COMP: variants seen among roughly 807,000 people sequenced by gnomAD.
The protein encoded by COMP is cartilage oligomeric matrix protein (pseudoachondroplasia, epiphyseal dysplasia 1, multiple).
In COMP, 79 loss-of-function variants were observed where a neutral mutation model predicts 95.8. The observed-to-expected ratio is 0.82, with a 90% CI of 0.69 to 0.99. COMP has a LOEUF of 0.99. Among genes scored for constraint, COMP ranks in the 50% least tolerant of loss-of-function variants. The pLI is 0.00. For missense variants in COMP, 906 were observed against 1,076.1 expected (o/e 0.84, Z 2.21); for synonymous variants, 438 against 433.9 (o/e 1.01, Z -0.12).
chr19:18,786,463 G>A (rs909891604), intron 11 of COMP, 69 bp downstream of exon 11: 4 of 1,535,596 alleles, frequency 2.6e-6, no homozygotes, highest in African/African-American at 2.7e-5. Context: ...AAGCTGGGCT[G>A]TGGGCTGGGT....
intron 1 of COMP, 113 bp downstream of exon 1, chr19:18,791,078 A>T: frequency 6.7e-7 from 1 of 1,500,020 alleles, no homozygotes; most frequent in South Asian, 1.2e-5. Context: ...TGCGCCCGGC[A>T]CGTCCCCTAC....
In COMP at chr19:18,791,273, G is replaced by T; in HGVS notation, c.-4C>A. 6.3e-7 allele frequency: 1 copy of T among 1,591,108 alleles called. No homozygotes were observed. Among genetic ancestry groups the T allele is most frequent in the Non-Finnish European group, 8.5e-7 (1 of 1,171,000 alleles). On this transcript the variant is annotated 5_prime_UTR_variant, in exon 1 of 19. Transcript: ENST00000222271. The stretch of plus-strand genomic sequence containing the variant: ...CGCAGGCGGTGTCGGGGACCATGGC[G>T]GTGGCGGGGAGCTGGGTGGCTGCTC...
At chr19:18,783,524 G>C (rs988037471) in intron 17 of COMP, among the ~76,000 whole-genome samples, 1 of 152,080 alleles carries the variant, frequency 6.6e-6, no homozygotes, top group South Asian at 2.1e-4. Context: ...GTGCAGTGGT[G>C]CAATTACTGC....
At chr19:18,785,192 C>T in intron 15 of COMP, 100 bp from the exon 16 acceptor site, 1 of 1,154,292 alleles carries the variant, frequency 8.7e-7, no homozygotes, top group Admixed American at 1.9e-5. Context: ...CCCGATCTGC[C>T]TGCAGACCTG....
At position 18,789,217 on chromosome 19, in the gene COMP, C is replaced by A. The variant is rs528922456; in HGVS notation, c.471G>T (p.Gly157=). Residue 157 remains glycine, a synonymous_variant, in exon 5 of 19, where the codon GGG becomes GGT. Transcript: ENST00000222271. The surrounding 1 kb of genome is among the most constrained non-coding windows in gnomAD (Gnocchi z 6.1). Reference sequence around the variant, plus strand: ...CGCCCTGGTGGGTGGGGCCGCTGTACCCCGGCGGGCAAGCCTCGCAGCGGA... The same window carrying A: ...CGCCCTGGTGGGTGGGGCCGCTGTAACCCGGCGGGCAAGCCTCGCAGCGGA... ...PGFRCEACPP[G]YSGPTHQGVG... 7 of 1,538,854 alleles carry A rather than the reference C, an allele frequency of 4.5e-6. No homozygotes were observed. The African/African-American group carries it at 9.7e-5, about 21-fold the overall frequency.
Position 18,784,360 on chromosome 19 carries a change from C to A in COMP, c.1918G>T (p.Val640Leu). The A allele has an allele frequency of 6.2e-7, 1 of 1,613,896 alleles. No homozygotes were observed. Among genetic ancestry groups the A allele is most frequent in the Non-Finnish European group, 8.5e-7 (1 of 1,180,036 alleles). ...VAEPGIQLKAVKSSTGPGEQL... is the reference protein window; with the variant it reads ...VAEPGIQLKALKSSTGPGEQL... ...TCCCCGGGGCCTGTGGAAGACTTCA[C>A]AGCCTGCCAATACCCAGGAAAGGTG... is the stretch of plus-strand genomic sequence containing the variant. Residue 640 changes from valine to leucine, a missense_variant, in exon 17 of 19, where the codon GTG (valine) becomes TTG (leucine). Coordinates refer to ENST00000222271, the MANE Select transcript of COMP (RefSeq NM_000095.3). This position sits in a 1 kb window ranked among gnomAD's most constrained non-coding sequence, Gnocchi z 4.9.
rs1189626863 is a variant in COMP at position 18,788,621 on chromosome 19, G to A, written c.733C>T (p.Leu245=). 3.2e-6 allele frequency: 5 copies of A among 1,549,594 alleles called. No homozygotes were observed. The change falls in exon 7 of 19, where the codon CTA becomes TTA. Residue 245 remains leucine, a synonymous_variant. Transcript: ENST00000222271. The surrounding 1 kb of genome is among the most constrained non-coding windows in gnomAD (Gnocchi z 4.7). ...SECHEHADCV[L]ERDGSRSCVC... Reference sequence around the variant, plus strand: ...CACGACCGCGAGCCATCGCGCTCTAGGACGCAGTCTGCATGCTCGTGGCAC... The same window carrying A: ...CACGACCGCGAGCCATCGCGCTCTAAGACGCAGTCTGCATGCTCGTGGCAC...
In COMP at chr19:18,789,419, T is replaced by C. The variant is rs1454462020; in HGVS notation, c.391-122A>G. Reference sequence around the variant, plus strand: ...TATGCCAGTGCTTGGAGCTCTGAGATGGAAGCAATTGTCGCAGGGGTCAGG... The same window carrying C: ...TATGCCAGTGCTTGGAGCTCTGAGACGGAAGCAATTGTCGCAGGGGTCAGG... On this transcript the variant is annotated intron_variant, in intron 4 of 18. Coordinates refer to ENST00000222271, the MANE Select transcript of COMP (RefSeq NM_000095.3). The surrounding 1 kb of genome is among the most constrained non-coding windows in gnomAD (Gnocchi z 6.1). 1 of 1,100,804 alleles carries C rather than the reference T, an allele frequency of 9.1e-7. No individual in the cohort carries two copies. Among genetic ancestry groups the C allele is most frequent in the African/African-American group, 1.6e-5 (1 of 62,424 alleles). The allele number at this position is 1,100,804 out of a possible 1,614,324, so 68.2% of individuals were successfully genotyped here. A position where few individuals can be genotyped will look rare whatever the true frequency, so the allele number is the denominator to read the frequency against.
intron 3 of COMP, 22 bp from the exon 4 acceptor site, chr19:18,790,136 A>G: frequency 6.6e-7 from 1 of 1,511,422 alleles, no homozygotes; most frequent in Non-Finnish European, 8.8e-7. Context: ...AGGGGGGAGA[A>G]GCGGCGGGGC....
intron 9 of COMP, among the ~76,000 whole-genome samples, chr19:18,787,864 C>CTTTTTCTTTTTCTTTTTCTTTTTCTT (rs56093208): frequency 1.8e-5 from 2 of 108,892 alleles, no homozygotes; most frequent in South Asian, 3.3e-4. Flanking sequence ...TTTTCTTTTT[C>CTTTTTCTTTTTCTTTTTCTTTTTCTT]TCTTTCTTTC....
Position 18,786,147 on chromosome 19 carries a change from C to T in COMP, c.1308-1G>A, listed in dbSNP as rs761399284. The T allele has an allele frequency of 4.3e-6, 7 of 1,614,200 alleles. No individual in the cohort carries two copies. The South Asian group carries it at 6.6e-5, about 15-fold the overall frequency. ...AGAGTCCTGATGTCCGTCTCCATCC[C>T]TAGAGTGGATAGGTGGGATCCAGAG... On this transcript the variant is annotated splice_acceptor_variant, in intron 12 of 18. Coordinates refer to ENST00000222271, the MANE Select transcript of COMP (RefSeq NM_000095.3). LOFTEE classifies it high-confidence loss of function.
intron 17 of COMP, among the ~76,000 whole-genome samples, chr19:18,783,952 C>T (rs2055145618): frequency 6.6e-6 from 1 of 152,100 alleles, no homozygotes; most frequent in Non-Finnish European, 1.5e-5. Flanking sequence ...TACTATGTTA[C>T]CCAGGCTGCC....
At position 18,784,855 on chromosome 19, in the gene COMP, G is replaced by C; in HGVS notation, c.1914+41C>G. On this transcript the variant is annotated intron_variant, in intron 16 of 18. Coordinates refer to ENST00000222271, the MANE Select transcript of COMP (RefSeq NM_000095.3). This position sits in a 1 kb window ranked among gnomAD's most constrained non-coding sequence, Gnocchi z 4.9. ...GGGTTTTACGGAGGGTCATGGGAGG[G>C]CATGAGGACCGCAGAGGTCAGGCAC... 6.2e-7 allele frequency: 1 copy of C among 1,603,642 alleles called. No homozygotes were observed. Among genetic ancestry groups the C allele is most frequent in the South Asian group, 1.1e-5 (1 of 90,896 alleles).
chr19:18,784,822 G>A lies in COMP; in HGVS notation c.1914+74C>T, dbSNP rs1376298778. The A allele has an allele frequency of 2.0e-6, 3 of 1,522,794 alleles. No homozygotes were observed. The highest frequency in any genetic ancestry group is 1.8e-6 in the Non-Finnish European group (2 of 1,106,914). The allele number at this position is 1,522,794 out of a possible 1,614,324, so 94.3% of individuals were successfully genotyped here. A position where few individuals can be genotyped will look rare whatever the true frequency, so the allele number is the denominator to read the frequency against. ...GCTAGGGGGCTGGGGGGCTCTAAGGGCTGTAAAGGGTTTTACGGAGGGTCA... is the reference window on the plus strand; with the variant it reads ...GCTAGGGGGCTGGGGGGCTCTAAGGACTGTAAAGGGTTTTACGGAGGGTCA... On this transcript the variant is annotated intron_variant, in intron 16 of 18. Transcript: ENST00000222271. This position sits in a 1 kb window ranked among gnomAD's most constrained non-coding sequence, Gnocchi z 4.9.
Position 18,790,879 on chromosome 19 carries a change from G to A in COMP, c.136C>T (p.Gln46Ter), listed in dbSNP as rs374010493. The change falls in exon 2 of 19, where the codon CAG becomes TAG. Residue 46 changes from glutamine (Q) to a stop codon, truncating the protein, a stop_gained. Coordinates refer to ENST00000222271, the MANE Select transcript of COMP (RefSeq NM_000095.3). LOFTEE classifies it high-confidence loss of function. Reference sequence around the variant, plus strand: ...TGCCGCAGCAGCTCCCGCACGTCCTGCAGCGCCGCGTTGGTTTCCTGCAGT... The same window carrying A: ...TGCCGCAGCAGCTCCCGCACGTCCTACAGCGCCGCGTTGGTTTCCTGCAGT... ...RELQETNAALQDVRELLRQQV... is the reference protein window; with the variant it reads ...RELQETNAAL The A allele has an allele frequency of 2.6e-6, 4 of 1,568,492 alleles. No homozygotes were observed. The highest frequency in any genetic ancestry group is 3.5e-6 in the Non-Finnish European group (4 of 1,158,434).
rs771779223 is a variant in COMP, at chr19:18,788,757, C to A, written c.604-7G>T. ...GGCCGCACTGGAAGGAGCCCTGCGC[C>A]GGAGCCGCCGGAGGTCAGCGCAGGC... On this transcript the variant is annotated splice_polypyrimidine_tract_variant and splice_region_variant and intron_variant, in intron 6 of 18. Transcript: ENST00000222271. The surrounding 1 kb of genome is among the most constrained non-coding windows in gnomAD (Gnocchi z 4.7). 6.3e-7 allele frequency: 1 copy of A among 1,582,634 alleles called. No homozygotes were observed. Among genetic ancestry groups the A allele is most frequent in the African/African-American group, 1.3e-5 (1 of 74,680 alleles).
In COMP at chr19:18,789,938, G is replaced by A. The variant is rs2055199540; in HGVS notation, c.390+4C>T. ...AGGGCGGTGGAGTGTCGGGGCTAGC[G>A]CACCTCGTTGACGTCGGTGCAGTGC... is the stretch of plus-strand genomic sequence containing the variant. On this transcript the variant is annotated splice_donor_region_variant and intron_variant, in intron 4 of 18. Transcript: ENST00000222271. The surrounding 1 kb of genome is among the most constrained non-coding windows in gnomAD (Gnocchi z 6.1). 2 of 1,592,028 alleles carry A rather than the reference G, an allele frequency of 1.3e-6. No individual in the cohort carries two copies. The highest frequency in any genetic ancestry group is 1.3e-5 in the African/African-American group (1 of 74,884).
At position 18,790,018 on chromosome 19, in the gene COMP, G is replaced by C; in HGVS notation, c.314C>G (p.Thr105Arg). The stretch of plus-strand genomic sequence containing the variant: ...GGGGCCGCAGCGCGCGCCGCTCTCC[G>C]TCTGGATGCAGGCCACGCCGGGGAA... The part of the protein sequence containing the change: ...FCFPGVACIQ[T>R]ESGARCGPCP... Residue 105 changes from threonine (T) to arginine (R), a missense_variant, in exon 4 of 19, where the codon ACG (threonine) becomes AGG (arginine). By Grantham distance (71) the Thr-to-Arg change is moderately conservative. Coordinates refer to ENST00000222271, the MANE Select transcript of COMP (RefSeq NM_000095.3). 1.3e-6 allele frequency: 2 copies of C among 1,585,486 alleles called. No individual in the cohort carries two copies. Among genetic ancestry groups the C allele is most frequent in the Non-Finnish European group, 1.7e-6 (2 of 1,172,578 alleles).
rs1041454680 is a variant in COMP, at chr19:18,786,310, G to A, written c.1255-19C>T. The A allele has an allele frequency of 2.5e-6, 4 of 1,613,618 alleles. No homozygotes were observed. Among genetic ancestry groups the A allele is most frequent in the Admixed American group, 1.7e-5 (1 of 59,996 alleles). ...CATCCGCCTGCGGAGGGCAGCATGCGGGGGTCCATAATCAGACAGAGGAAA... is the reference window on the plus strand; with the variant it reads ...CATCCGCCTGCGGAGGGCAGCATGCAGGGGTCCATAATCAGACAGAGGAAA... On this transcript the variant is annotated intron_variant, in intron 11 of 18. Coordinates refer to ENST00000222271, the MANE Select transcript of COMP (RefSeq NM_000095.3).
Sources: allele counts gnomAD v4.1 joint callset (sites outside exome capture counted in the v4.1 genomes callset), GRCh38; gene constraint gnomAD v4.1.1; non-coding constraint Gnocchi (gnomAD v3.1); transcripts MANE v1.5; gene names NCBI Gene and HGNC (gene_info 2026-07-23, HGNC 2026-07-21).